TMEM45A: variants seen among roughly 807,000 people sequenced by gnomAD.
TMEM45A encodes DNA polymerase-transactivated protein 4.
Under a neutral mutation model 32.0 loss-of-function variants are expected in TMEM45A, and 25 were observed. The observed-to-expected ratio is 0.78, with a 90% CI of 0.57 to 1.09. The LOEUF (loss-of-function observed/expected upper bound fraction) is 1.09. TMEM45A is among the 50% of genes least tolerant of loss of function. The probability of loss-of-function intolerance (pLI) is 0.00; values close to 1 mark genes in which losing one functional copy is unlikely to be tolerated. For synonymous variants in TMEM45A, 122 were observed against 114.8 expected, an observed-to-expected ratio of 1.06 and a Z score of -0.40; for missense variants, 302 against 325.0, an observed-to-expected ratio of 0.93 and a Z score of 0.54.
chr3:100,508,808 T>TAA (rs879392066), intron 1 of TMEM45A, among the ~76,000 whole-genome samples: 3 of 141,418 alleles, frequency 2.1e-5, no homozygotes, highest in African/African-American at 2.6e-5. Context: ...TCTCACTATA[T>TAA]AAAAAAAAAA....
At chr3:100,544,422 A>G (rs1312938493) in intron 1 of TMEM45A, among the ~76,000 whole-genome samples, 1 of 152,114 alleles carries the variant, frequency 6.6e-6, no homozygotes, top group Non-Finnish European at 1.5e-5. Context: ...TAATTTGATG[A>G]GTTTGGGCAA....
chr3:100,576,817 T>C (rs1706698026), intron 5 of TMEM45A, 108 bp from the exon 6 acceptor site: 1 of 888,402 alleles, frequency 1.1e-6, no homozygotes, highest in Non-Finnish European at 1.8e-6. Context: ...TTGGGTTGCC[T>C]TCCCCAGTTG....
At chr3:100,556,070 T>G (rs1706215588) in intron 2 of TMEM45A, among the ~76,000 whole-genome samples, 1 of 152,130 alleles carries the variant, frequency 6.6e-6, no homozygotes, top group Non-Finnish European at 1.5e-5. Context: ...CTGCAACCTC[T>G]GCCTCTGGGG....
chr3:100,565,550 A>C (rs1055735403), intron 4 of TMEM45A, among the ~76,000 whole-genome samples: 1 of 152,172 alleles, frequency 6.6e-6, no homozygotes, highest in South Asian at 2.1e-4. Context: ...TTATCGAGAT[A>C]ATAAGGATAA....
At chr3:100,496,586 T>C (rs1707932135) in intron 1 of TMEM45A, among the ~76,000 whole-genome samples, 1 of 152,230 alleles carries the variant, frequency 6.6e-6, no homozygotes. Flanking sequence ...AGAAAGGGCA[T>C]ATTTGGAGAT....
chr3:100,559,611 A>G (rs1310104351), intron 4 of TMEM45A, among the ~76,000 whole-genome samples: 1 of 152,082 alleles, frequency 6.6e-6, no homozygotes. Flanking sequence ...TTAATTATAT[A>G]AAATATTATA....
chr3:100,558,713 C>T (rs1706272541), intron 4 of TMEM45A, 124 bp downstream of exon 4: 1 of 981,416 alleles, frequency 1.0e-6, no homozygotes, highest in South Asian at 1.6e-5. Flanking sequence ...GATCATGGGC[C>T]TCTGAGAAGT....
intron 1 of TMEM45A, among the ~76,000 whole-genome samples, chr3:100,527,302 A>G (rs1705563576): frequency 6.6e-6 from 1 of 152,238 alleles, no homozygotes; most frequent in Non-Finnish European, 1.5e-5. Context: ...AAGACAAGAA[A>G]CAAAACTCCA....
intron 5 of TMEM45A, chr3:100,573,742 T>C (rs1390786767): frequency 6.6e-6 from 1 of 152,150 alleles, no homozygotes; most frequent in African/African-American, 2.4e-5. Context: ...ATGGGTTTCA[T>C]AGATAGCTTT....
At chr3:100,562,963 C>T (rs1280466902) in intron 4 of TMEM45A, among the ~76,000 whole-genome samples, 1 of 152,156 alleles carries the variant, frequency 6.6e-6, no homozygotes, top group Non-Finnish European at 1.5e-5. Flanking sequence ...TTGAACTCAA[C>T]TGTTGTATTA....
In TMEM45A at chr3:100,568,974, T is replaced by C. The variant is rs777279160; in HGVS notation, c.734+7T>C. 1.7e-5 allele frequency: 27 copies of C among 1,607,368 alleles called. No individual in the cohort carries two copies. The East Asian group carries it at 5.8e-4, about 35-fold the overall frequency. On this transcript the variant is annotated splice_region_variant and intron_variant, in intron 5 of 5. Transcript: ENST00000323523. ...ATTATGCTTTCATTACCTGGTAAGT[T>C]AGCGATTTCTGTTAATGGAAGTTCT... is the stretch of plus-strand genomic sequence containing the variant.
intron 1 of TMEM45A, among the ~76,000 whole-genome samples, chr3:100,497,059 T>G (rs1707940523): frequency 6.6e-6 from 1 of 152,240 alleles, no homozygotes; most frequent in East Asian, 1.9e-4. Context: ...GGCATCTATC[T>G]TTTTGGGAAT....
chr3:100,557,265 T>C (rs1281446001), intron 3 of TMEM45A, among the ~76,000 whole-genome samples: 1 of 152,246 alleles, frequency 6.6e-6, no homozygotes, highest in Non-Finnish European at 1.5e-5. Context: ...TTCTGAAGAT[T>C]ATCATTTTTT....
chr3:100,569,136 G>A (rs1346898485), intron 5 of TMEM45A, among the ~76,000 whole-genome samples, 169 bp downstream of exon 5: 1 of 152,128 alleles, frequency 6.6e-6, no homozygotes, highest in African/African-American at 2.4e-5. Context: ...CCAGTAAAAA[G>A]AATAAATGCT....
At chr3:100,531,386 TTATAAG>T (rs1420872118) in intron 1 of TMEM45A, among the ~76,000 whole-genome samples, 3 of 152,150 alleles carry the variant, frequency 2.0e-5, no homozygotes, top group Admixed American at 2.0e-4. Context: ...TTGAGAAACA[TTATAAG>T]TATATCTGGA....
rs1227688468 is a variant in TMEM45A, at chr3:100,544,177, T to C, written c.-3-11032T>C. 2.6e-5 allele frequency among the ~76,000 whole-genome samples: 4 copies of C among 152,110 alleles called. No homozygotes were observed. The East Asian group carries it at 7.7e-4, about 29-fold the overall frequency. On this transcript the variant is annotated intron_variant, in intron 1 of 5. Coordinates refer to ENST00000323523, the MANE Select transcript of TMEM45A (RefSeq NM_018004.3). ...TCACATAAAATAAGATATGCAGGGA[T>C]GGAGTGGTGGATCCACAGTCTTCAG...
intron 5 of TMEM45A, among the ~76,000 whole-genome samples, chr3:100,570,082 C>A (rs571548442): frequency 6.6e-6 from 1 of 152,324 alleles, no homozygotes; most frequent in Non-Finnish European, 1.5e-5. Flanking sequence ...TGTTCTGTAT[C>A]TACAATGTCT....
intron 1 of TMEM45A, among the ~76,000 whole-genome samples, chr3:100,512,012 C>A (rs1708172476): frequency 6.6e-6 from 1 of 152,036 alleles, no homozygotes; most frequent in African/African-American, 2.4e-5. Context: ...TAGACTCCCA[C>A]ACATTAATAA....
At chr3:100,498,931 T>C (rs1707971901) in intron 1 of TMEM45A, among the ~76,000 whole-genome samples, 1 of 152,208 alleles carries the variant, frequency 6.6e-6, no homozygotes, top group African/African-American at 2.4e-5. Flanking sequence ...TCCTAATGTG[T>C]GGGAAGCATC....
Sources: gnomAD v4.1 joint callset for allele counts (sites outside exome capture counted in the v4.1 genomes callset) on GRCh38, gnomAD v4.1.1 for gene constraint, MANE v1.5 for transcripts, NCBI Gene and HGNC (gene_info 2026-07-23, HGNC 2026-07-21) for gene names.